The following XKR6 variants were observed in gnomAD, a reference collection of about 807,000 sequenced individuals.
XKR6 encodes XK related 6, also known as XK-related protein 6.
Under a neutral mutation model 56.7 loss-of-function variants are expected in XKR6, and 22 were observed. The observed-to-expected ratio is 0.39, with a 90% CI of 0.28 to 0.55. The LOEUF is 0.55. Ranked by LOEUF, XKR6 falls within the 20% of genes least tolerant of loss-of-function variation. XKR6 has a pLI of 0.66. For synonymous variants in XKR6, 524 were observed against 387.8 expected (o/e 1.35, Z -4.13); for missense variants, 852 against 889.0 (o/e 0.96, Z 0.53).
intron 1 of XKR6, among the ~76,000 whole-genome samples, chr8:11,107,156 C>G (rs1246085634): frequency 1.3e-5 from 2 of 151,336 alleles, no homozygotes; most frequent in East Asian, 3.9e-4. Context: ...ACTATGATTA[C>G]TTGGCAAAGA....
chr8:10,947,947 G>T (rs894893682), intron 1 of XKR6, among the ~76,000 whole-genome samples: 8 of 152,212 alleles, frequency 5.3e-5, no homozygotes, highest in Admixed American at 1.3e-4. Flanking sequence ...CCAGGACGAA[G>T]TGGCTGTCAG....
rs1268341893 is a variant in XKR6, at chr8:10,939,579, T to C, written c.765-14749A>G. Among the ~76,000 whole-genome samples the C allele has an allele frequency of 2.0e-5, 3 of 152,232 alleles. No homozygotes were observed. In the East Asian group the frequency reaches 5.8e-4, roughly 29 times the overall value. ...TCTAGCTCTCACCCCTCAAGCGGCT[T>C]ATTCAGAAACCTGATTCTATGAGCG... is the stretch of plus-strand genomic sequence containing the variant. On this transcript the variant is annotated intron_variant, in intron 1 of 2. Transcript: ENST00000416569.
At chr8:11,125,276 G>A (rs777098015) in intron 1 of XKR6, among the ~76,000 whole-genome samples, 2 of 151,964 alleles carry the variant, frequency 1.3e-5, no homozygotes, top group African/African-American at 4.8e-5. Flanking sequence ...CCTGCAAGAG[G>A]GGCCAGGCAA....
chr8:11,155,914 C>G (rs371148358), intron 1 of XKR6, among the ~76,000 whole-genome samples: 16 of 152,122 alleles, frequency 1.1e-4, no homozygotes, highest in East Asian at 5.8e-4. Flanking sequence ...AGATCATGTC[C>G]TCCTTCTCTC....
intron 1 of XKR6, among the ~76,000 whole-genome samples, chr8:11,177,447 T>C (rs966065503): frequency 1.3e-5 from 2 of 152,242 alleles, no homozygotes; most frequent in Non-Finnish European, 2.9e-5. Context: ...ATGAGTGTTA[T>C]GGGCTCAATT....
At chr8:10,999,580 C>T (rs969520535) in intron 1 of XKR6, among the ~76,000 whole-genome samples, 7 of 152,150 alleles carry the variant, frequency 4.6e-5, no homozygotes, top group African/African-American at 7.2e-5. Context: ...TTGGTCAATG[C>T]TATGGTGAAG....
At chr8:11,099,281 C>G (rs2129175405) in intron 1 of XKR6, among the ~76,000 whole-genome samples, 1 of 152,362 alleles carries the variant, frequency 6.6e-6, no homozygotes, top group Middle Eastern at 3.4e-3. Context: ...TGACTTTTGT[C>G]ACCCTGGCCT....
At chr8:10,905,938 A>C (rs982615764) in intron 2 of XKR6, among the ~76,000 whole-genome samples, 3 of 152,180 alleles carry the variant, frequency 2.0e-5, no homozygotes, top group South Asian at 2.1e-4. Context: ...AGACATGGCA[A>C]GGGAGTGATG....
chr8:11,099,746 GC>G (rs1299126267), intron 1 of XKR6, among the ~76,000 whole-genome samples: 14 of 152,152 alleles, frequency 9.2e-5, no homozygotes, highest in African/African-American at 1.4e-4. Flanking sequence ...CAAAGCCCCT[GC>G]CCTCCCTGAG....
chr8:11,078,545 G>C (rs1442945109), intron 1 of XKR6, among the ~76,000 whole-genome samples: 1 of 152,180 alleles, frequency 6.6e-6, no homozygotes, highest in Non-Finnish European at 1.5e-5. Flanking sequence ...TGAGTCCTAA[G>C]GAAGAGAGGA....
chr8:11,016,278 G>A (rs1156695083), intron 1 of XKR6, among the ~76,000 whole-genome samples: 2 of 152,114 alleles, frequency 1.3e-5, no homozygotes, highest in African/African-American at 4.8e-5. Context: ...TCTGCCCCGC[G>A]CCCTGGATGG....
intron 1 of XKR6, among the ~76,000 whole-genome samples, chr8:10,999,871 C>T (rs768634499): frequency 6.6e-6 from 1 of 152,132 alleles, no homozygotes; most frequent in Non-Finnish European, 1.5e-5. Flanking sequence ...TCCCCACATG[C>T]CAAGAGTTAA....
intron 1 of XKR6, among the ~76,000 whole-genome samples, chr8:11,057,619 A>T (rs978330673): frequency 6.6e-6 from 1 of 152,184 alleles, no homozygotes; most frequent in Non-Finnish European, 1.5e-5. Context: ...TTTGTTCAGC[A>T]GGAGTCCCTG....
chr8:10,974,892 T>C (rs1563321895), intron 1 of XKR6, among the ~76,000 whole-genome samples: 2 of 152,250 alleles, frequency 1.3e-5, no homozygotes, highest in Admixed American at 6.5e-5. Context: ...CGGATGATGA[T>C]GATGCTTGCA....
chr8:11,161,887 T>C (rs1411402914), intron 1 of XKR6, among the ~76,000 whole-genome samples: 5 of 152,196 alleles, frequency 3.3e-5, no homozygotes, highest in Admixed American at 1.3e-4. Context: ...TTAGCTTGCC[T>C]TTCTAAAGAT....
chr8:11,185,736 CT>C (rs1366875806), intron 1 of XKR6, among the ~76,000 whole-genome samples: 2 of 152,128 alleles, frequency 1.3e-5, no homozygotes, highest in African/African-American at 4.8e-5. Flanking sequence ...ACTGATGAGT[CT>C]TGGGCACATG....
chr8:11,124,592 T>C (rs1260939654), intron 1 of XKR6: 1 of 153,826 alleles, frequency 6.5e-6, no homozygotes, highest in Admixed American at 6.4e-5. Flanking sequence ...AAGAGCACTT[T>C]AGGGTTGGTT....
At chr8:11,098,649 G>T (rs1457270717) in intron 1 of XKR6, among the ~76,000 whole-genome samples, 1 of 152,132 alleles carries the variant, frequency 6.6e-6, no homozygotes, top group African/African-American at 2.4e-5. Flanking sequence ...TTACAGAAAG[G>T]TTCAAGGTAC....
chr8:11,141,163 A>AT (rs2116934861), intron 1 of XKR6, among the ~76,000 whole-genome samples: 1 of 152,370 alleles, frequency 6.6e-6, no homozygotes, highest in African/African-American at 2.4e-5. Context: ...TTCAGTAGTC[A>AT]TAACGGAAGC....
Sources: gnomAD v4.1 joint callset for allele counts (sites outside exome capture counted in the v4.1 genomes callset) on GRCh38, gnomAD v4.1.1 for gene constraint, MANE v1.5 for transcripts, NCBI Gene and HGNC (gene_info 2026-07-23, HGNC 2026-07-21) for gene names.